CDH4: variants seen among roughly 807,000 people sequenced by gnomAD.
CDH4 encodes the protein cadherin 4.
In CDH4, 33 loss-of-function variants were observed where a neutral mutation model predicts 86.0. That is an observed-to-expected ratio of 0.38 (90% CI 0.29 to 0.51). The LOEUF is 0.51. CDH4 is among the 20% of genes least tolerant of loss of function. The probability of loss-of-function intolerance (pLI) is 0.86; values close to 1 mark genes in which losing one functional copy is unlikely to be tolerated. For synonymous variants in CDH4, 555 were observed against 549.4 expected, an observed-to-expected ratio of 1.01 and a Z score of -0.14; for missense variants, 1,114 against 1,307.4, an observed-to-expected ratio of 0.85 and a Z score of 2.28.
rs1200676310 is a variant in CDH4, at chr20:61,566,487, T to G, written c.170-177076T>G. Among the ~76,000 whole-genome samples the G allele has an allele frequency of 2.0e-5, 3 of 152,252 alleles. No individual in the cohort carries two copies. The East Asian group carries it at 5.8e-4, about 30-fold the overall frequency. ...AGTGGTTGCCAGCGTAGAACGCTCA[T>G]TTTTATTAACCCTATTTCCTTCAAG... On this transcript the variant is annotated intron_variant, in intron 2 of 15. Coordinates refer to ENST00000614565, the MANE Select transcript of CDH4 (RefSeq NM_001794.5).
intron 11 of CDH4, 141 bp from the exon 12 acceptor site, chr20:61,928,049 G>A (rs963435731): frequency 7.0e-5 from 51 of 733,806 alleles, no homozygotes; most frequent in East Asian, 6.4e-4. Context: ...GGAGATGGCC[G>A]GCCGTGTCCG....
intron 2 of CDH4, among the ~76,000 whole-genome samples, chr20:61,573,287 G>T (rs1352292257): frequency 6.6e-6 from 1 of 152,226 alleles, no homozygotes; most frequent in Non-Finnish European, 1.5e-5. Context: ...GGGAAGGAGA[G>T]TCAAAGTCCA....
At chr20:61,873,126 T>A (rs1485959231) in intron 6 of CDH4, among the ~76,000 whole-genome samples, 1 of 152,218 alleles carries the variant, frequency 6.6e-6, no homozygotes, top group Non-Finnish European at 1.5e-5. Flanking sequence ...CGAGCCCCTC[T>A]GAAATGCCAG....
intron 2 of CDH4, among the ~76,000 whole-genome samples, chr20:61,692,351 C>T (rs1160051175): frequency 1.3e-5 from 2 of 152,012 alleles, no homozygotes; most frequent in African/African-American, 4.8e-5. Flanking sequence ...ATGTGCTCAA[C>T]TTGAATCAAG....
At chr20:61,865,376 A>G (rs116258998) in intron 6 of CDH4, among the ~76,000 whole-genome samples, 81 of 150,944 alleles carry the variant, frequency 5.4e-4, no homozygotes, top group African/African-American at 1.9e-3. Context: ...AATGGTTAGT[A>G]TAGATAATGG....
rs114892976 is a variant in CDH4 at position 61,584,117 on chromosome 20, G to A, written c.170-159446G>A. 9.3e-3 allele frequency among the ~76,000 whole-genome samples: 1,412 copies of A among 152,276 alleles called. 26 individuals are homozygous for A. The highest frequency in any genetic ancestry group is 0.033 in the African/African-American group (1,359 of 41,542). ...AGAGGTTGCAGTGAACCAAGATCACGCCACTGCACTTCAGCCTGGATGAAA... is the reference window on the plus strand; with the variant it reads ...AGAGGTTGCAGTGAACCAAGATCACACCACTGCACTTCAGCCTGGATGAAA... On this transcript the variant is annotated intron_variant, in intron 2 of 15. Coordinates refer to ENST00000614565, the MANE Select transcript of CDH4 (RefSeq NM_001794.5).
At chr20:61,491,615 A>G (rs142558896) in intron 2 of CDH4, among the ~76,000 whole-genome samples, 90 of 152,332 alleles carry the variant, frequency 5.9e-4, no homozygotes, top group African/African-American at 2.1e-3. Flanking sequence ...CAAGTCTGCC[A>G]TTGTCTCTCT....
chr20:61,252,653 A>C lies in CDH4; in HGVS notation c.57+83A>C. The C allele has an allele frequency of 2.5e-6, 2 of 814,666 alleles. No individual in the cohort carries two copies. Among genetic ancestry groups the C allele is most frequent in the Non-Finnish European group, 3.2e-6 (2 of 623,272 alleles). 50.5% of individuals were successfully genotyped at this position (814,666 alleles called of 1,614,324 possible). ...CCCGGATCCCGCGGGGCGCTCACAC[A>C]CCCGGCGGGGCTCTCCCGGGCTCCC... On this transcript the variant is annotated intron_variant, in intron 1 of 15. Coordinates refer to ENST00000614565, the MANE Select transcript of CDH4 (RefSeq NM_001794.5). This position sits in a 1 kb window ranked among gnomAD's most constrained non-coding sequence, Gnocchi z 4.4.
chr20:61,731,027 G>A (rs548968362), intron 2 of CDH4, among the ~76,000 whole-genome samples: 2 of 151,764 alleles, frequency 1.3e-5, no homozygotes, highest in African/African-American at 4.8e-5. Context: ...CAGCAAGGGT[G>A]TGCTGTGTGG....
At chr20:61,873,137 C>T (rs897732045) in intron 6 of CDH4, among the ~76,000 whole-genome samples, 9 of 152,216 alleles carry the variant, frequency 5.9e-5, no homozygotes, top group African/African-American at 4.8e-5. Context: ...GAAATGCCAG[C>T]GGCCCCCAGT....
At chr20:61,411,488 G>A (rs1251848620) in intron 2 of CDH4, among the ~76,000 whole-genome samples, 1 of 151,736 alleles carries the variant, frequency 6.6e-6, no homozygotes. Flanking sequence ...TTTCAAATGG[G>A]CAGCCTTCCC....
chr20:61,690,944 A>ACC (rs1247926274), intron 2 of CDH4, among the ~76,000 whole-genome samples: 1 of 150,734 alleles, frequency 6.6e-6, no homozygotes, highest in Non-Finnish European at 1.5e-5. Flanking sequence ...AGCCTTGCAG[A>ACC]CCCCCCGCCC....
In CDH4 at chr20:61,480,413, C is replaced by A. The variant is rs890367647; in HGVS notation, c.169+225476C>A. 1.3e-5 allele frequency among the ~76,000 whole-genome samples: 2 copies of A among 152,228 alleles called. No individual in the cohort carries two copies. The highest frequency in any genetic ancestry group is 2.9e-5 in the Non-Finnish European group (2 of 68,032). ...CAAGGTGGGTGGTGGATACACAGTC[C>A]CTGCCACGCCATCTCTGGGAAGCCT... On this transcript the variant is annotated intron_variant, in intron 2 of 15. Transcript: ENST00000614565. The surrounding 1 kb of genome is among the most constrained non-coding windows in gnomAD (Gnocchi z 5.2).
chr20:61,602,654 T>C (rs975943653), intron 2 of CDH4, among the ~76,000 whole-genome samples: 2 of 145,932 alleles, frequency 1.4e-5, no homozygotes, highest in Non-Finnish European at 3.0e-5. Flanking sequence ...GCCCGTTCTC[T>C]GCGTCGCTTT....
chr20:61,797,956 T>C (rs1168784356), intron 4 of CDH4, among the ~76,000 whole-genome samples: 2 of 152,154 alleles, frequency 1.3e-5, no homozygotes, highest in South Asian at 2.1e-4. Context: ...CCCTGTGTGC[T>C]GGGGGACAGT....
At chr20:61,546,274 T>G (rs182809417) in intron 2 of CDH4, among the ~76,000 whole-genome samples, 5,290 of 151,676 alleles carry the variant, frequency 0.035, 143 homozygotes, top group Non-Finnish European at 0.058. Flanking sequence ...TTCACATGTG[T>G]GTGGTGTGTG....
At chr20:61,830,690 T>TC (rs1981560348) in intron 4 of CDH4, among the ~76,000 whole-genome samples, 1 of 152,190 alleles carries the variant, frequency 6.6e-6, no homozygotes, top group Non-Finnish European at 1.5e-5. Context: ...ATTAAGTTCT[T>TC]CCCCCGAGGC....
rs1446035840 is a variant in CDH4 at position 61,934,170 on chromosome 20, A to C, written c.2494A>C (p.Ile832Leu). 6.2e-7 allele frequency: 1 copy of C among 1,605,474 alleles called. No individual in the cohort carries two copies. The highest frequency in any genetic ancestry group is 8.5e-7 in the Non-Finnish European group (1 of 1,175,096). The change falls in exon 15 of 16, where the codon ATC (isoleucine) becomes CTC (leucine). Residue 832 changes from isoleucine to leucine, a missense_variant. This residue lies in a region of CDH4 where 188 missense variants were observed against 183.8 expected (regional missense o/e 1.02). Transcript: ENST00000614565. ...GGTGGGCGCTGAGCCCCAGTACCCG[A>C]TCAGGCCCATGGTGCCGCACCCAGG... ...RPVGAEPQYP[I>L]RPMVPHPGDI... is the part of the protein sequence containing the mutation.
intron 6 of CDH4, among the ~76,000 whole-genome samples, chr20:61,872,139 G>A (rs116324927): frequency 0.014 from 2,186 of 152,314 alleles, 29 homozygotes; most frequent in South Asian, 0.061. Flanking sequence ...AGGCCGCCCC[G>A]CACCCTGGGC....
Sources: allele counts gnomAD v4.1 joint callset (sites outside exome capture counted in the v4.1 genomes callset), GRCh38; gene constraint gnomAD v4.1.1; regional missense constraint gnomAD v4.1.1; non-coding constraint Gnocchi (gnomAD v3.1); transcripts MANE v1.5; gene names NCBI Gene and HGNC (gene_info 2026-07-23, HGNC 2026-07-21).